POR: variants seen among roughly 807,000 people sequenced by gnomAD.
The protein encoded by POR is cytochrome p450 oxidoreductase.
POR carries 56 observed loss-of-function variants against 84.0 expected under a neutral mutation model. The observed-to-expected ratio is 0.67, with a 90% CI of 0.54 to 0.83. The LOEUF (loss-of-function observed/expected upper bound fraction) is 0.83, where lower values mean the gene tolerates loss of function less well. POR is among the 40% of genes least tolerant of loss of function. The pLI is 0.00. For missense variants in POR, 938 were observed against 944.3 expected, an observed-to-expected ratio of 0.99 and a Z score of 0.09; for synonymous variants, 414 against 400.5, an observed-to-expected ratio of 1.03 and a Z score of -0.40.
chr7:75,965,728 G>A (rs182254030), intron 2 of POR, among the ~76,000 whole-genome samples: 2 of 152,188 alleles, frequency 1.3e-5, no homozygotes, highest in Non-Finnish European at 2.9e-5. Flanking sequence ...AGGCTTTTGC[G>A]TGTGTGGAAC....
intron 4 of POR, chr7:75,979,868 A>G: frequency 1.1e-5 from 4 of 355,840 alleles, no homozygotes; most frequent in South Asian, 3.7e-5. Flanking sequence ...AACCAAACCC[A>G]CCCTCCCCAG....
At chr7:75,945,307 C>T (rs887955001) in intron 1 of POR, 4 of 148,018 alleles carry the variant, frequency 2.7e-5, no homozygotes, top group Admixed American at 1.3e-4. Flanking sequence ...TCTCCTAAAA[C>T]AAAAAAGAAA....
chr7:75,971,107 G>A (rs1310743026), intron 2 of POR: 1 of 151,568 alleles, frequency 6.6e-6, no homozygotes, highest in East Asian at 1.9e-4. Flanking sequence ...GATTACAGGT[G>A]CGCGTCACCA....
intron 1 of POR, chr7:75,943,953 TAA>T: frequency 2.7e-5 from 11 of 408,840 alleles, no homozygotes; most frequent in African/African-American, 4.3e-5. Flanking sequence ...ATTATCAACT[TAA>T]AAAAAAAATA....
At chr7:75,941,819 T>A (rs1262088733) in intron 1 of POR, among the ~76,000 whole-genome samples, 1 of 151,228 alleles carries the variant, frequency 6.6e-6, no homozygotes, top group East Asian at 1.9e-4. Context: ...CTCTATAATT[T>A]GAAATATATA....
intron 1 of POR, among the ~76,000 whole-genome samples, chr7:75,942,668 G>C (rs1352736418): frequency 6.6e-6 from 1 of 151,452 alleles, no homozygotes; most frequent in African/African-American, 2.4e-5. Context: ...TTTTTTTTGA[G>C]CTCAAGGTTT....
At chr7:75,923,811 C>G (rs1329854277) in intron 1 of POR, among the ~76,000 whole-genome samples, 5 of 151,924 alleles carry the variant, frequency 3.3e-5, no homozygotes, top group African/African-American at 1.2e-4. Flanking sequence ...TCGCTTGAAC[C>G]CGGGAGGCGG....
chr7:75,926,566 C>A (rs1012280155), intron 1 of POR, among the ~76,000 whole-genome samples: 1 of 151,866 alleles, frequency 6.6e-6, no homozygotes, highest in Admixed American at 6.6e-5. Flanking sequence ...GAGGCCGAGG[C>A]GGGCAGATCA....
Position 75,979,440 on chromosome 7 carries a change from G to A in POR, c.238-11G>A, listed in dbSNP as rs782582742. ...TGTGGCCCTCACCAACCCTGTGTCT[G>A]CCTTCCTTAGGGGAGGAACATCATC... On this transcript the variant is annotated splice_polypyrimidine_tract_variant and intron_variant, in intron 3 of 15. Coordinates refer to ENST00000461988, the MANE Select transcript of POR (RefSeq NM_000941.3). 23 of 1,611,740 alleles carry A rather than the reference G, an allele frequency of 1.4e-5. No homozygotes were observed. The highest frequency in any genetic ancestry group is 1.8e-5 in the Non-Finnish European group (21 of 1,179,172).
rs572917118 is a variant in POR at position 75,986,379 on chromosome 7, C to T, written c.1941C>T (p.Tyr647=). ...CCAGGGATGTGCAGAACACCTTCTA[C>T]GACATCGTGGCTGAGCTCGGGGCCA... Residue 647 remains tyrosine (Y), a synonymous_variant, in exon 16 of 16, where the codon TAC becomes TAT. Coordinates refer to ENST00000461988, the MANE Select transcript of POR (RefSeq NM_000941.3). 47 of 1,612,580 alleles carry T rather than the reference C, an allele frequency of 2.9e-5. No individual in the cohort carries two copies. In the East Asian group the frequency reaches 3.1e-4, roughly 11 times the overall value.
At chr7:75,976,663 C>G (rs1475934155) in intron 3 of POR, among the ~76,000 whole-genome samples, 1 of 151,620 alleles carries the variant, frequency 6.6e-6, no homozygotes, top group Non-Finnish European at 1.5e-5. Flanking sequence ...AGGAAAATCG[C>G]TTGAACCCAG....
At chr7:75,975,892 T>G (rs928632937) in intron 3 of POR, among the ~76,000 whole-genome samples, 2 of 150,006 alleles carry the variant, frequency 1.3e-5, no homozygotes, top group African/African-American at 4.9e-5. Context: ...GCTTAAGCAG[T>G]CCTCCTGGTG....
intron 1 of POR, among the ~76,000 whole-genome samples, chr7:75,923,820 G>A (rs1295370998): frequency 2.6e-5 from 4 of 152,028 alleles, no homozygotes; most frequent in East Asian, 1.9e-4. Context: ...CCCGGGAGGC[G>A]GAGGTTGTGG....
intron 2 of POR, among the ~76,000 whole-genome samples, chr7:75,961,588 C>A (rs1787943698): frequency 6.6e-6 from 1 of 152,202 alleles, no homozygotes; most frequent in African/African-American, 2.4e-5. Flanking sequence ...CTCCAGCCCC[C>A]AGTTTTCATA....
In POR at chr7:75,985,592, CTG is replaced by C. The variant is rs782395275; in HGVS notation, c.1415_1416del (p.Val472AlafsTer102). On this transcript the variant is annotated frameshift_variant, in exon 13 of 16. Transcript: ENST00000461988. LOFTEE classifies it high-confidence loss of function. ...CCCTCCCCACAGGTCCACCCCAACT[CTG>C]TGCACATCTGTGCGGTGGTTGTGGA... The C allele has an allele frequency of 3.9e-5, 60 of 1,555,194 alleles. No homozygotes were observed. The highest frequency in any genetic ancestry group is 1.9e-5 in the Non-Finnish European group (22 of 1,146,062).
chr7:75,922,757 G>A, intron 1 of POR: 1 of 437,522 alleles, frequency 2.3e-6, no homozygotes, highest in Non-Finnish European at 4.2e-6. Flanking sequence ...CTAGAAAGAT[G>A]GCAAAGCAGG....
In POR at chr7:75,986,354, C is replaced by T. The variant is rs1554559450; in HGVS notation, c.1916C>T (p.Ala639Val). 1 of 1,612,524 alleles carries T rather than the reference C, an allele frequency of 6.2e-7. No individual in the cohort carries two copies. Among genetic ancestry groups the T allele is most frequent in the African/African-American group, 1.3e-5 (1 of 74,922 alleles). ...CTGCCCAGGGATGCACGGAACATGGCCAGGGATGTGCAGAACACCTTCTAC... is the reference window on the plus strand; with the variant it reads ...CTGCCCAGGGATGCACGGAACATGGTCAGGGATGTGCAGAACACCTTCTAC... The change falls in exon 16 of 16, where the codon GCC becomes GTC. Residue 639 changes from alanine (A) to valine (V), a missense_variant. Transcript: ENST00000461988.
chr7:75,950,729 C>T (rs116526751), intron 1 of POR, among the ~76,000 whole-genome samples: 1 of 152,176 alleles, frequency 6.6e-6, no homozygotes, highest in African/African-American at 2.4e-5. Context: ...AAATAGTTTT[C>T]TCTGGGGACA....
At position 75,984,852 on chromosome 7, in the gene POR, C is replaced by T. The variant is rs782054014; in HGVS notation, c.1142C>T (p.Thr381Ile). 3 of 1,612,516 alleles carry T rather than the reference C, an allele frequency of 1.9e-6. No homozygotes were observed. The highest frequency in any genetic ancestry group is 2.7e-5 in the African/African-American group (2 of 74,916). ...GCCCTCACCTACTACCTGGACATCA[C>T]CAACCCGCCGCGTACCAACGTGCTG... Residue 381 changes from threonine to isoleucine, a missense_variant, in exon 11 of 16, where the codon ACC (threonine) becomes ATC (isoleucine). Transcript: ENST00000461988.
Sources: allele counts gnomAD v4.1 joint callset (sites outside exome capture counted in the v4.1 genomes callset), GRCh38; gene constraint gnomAD v4.1.1; transcripts MANE v1.5; gene names NCBI Gene and HGNC (gene_info 2026-07-23, HGNC 2026-07-21).